Variants in LY96 observed in about 807,000 individuals in gnomAD.
LY96 encodes lymphocyte antigen 96, also known as myeloid differentiation protein-2.
A neutral mutation model predicts 18.9 loss-of-function variants in LY96; 18 were observed. That is an observed-to-expected ratio of 0.95 (90% confidence interval 0.66 to 1.41). The LOEUF is 1.41. Among genes scored for constraint, LY96 ranks in the 40% most tolerant of loss-of-function variants. The probability of loss-of-function intolerance (pLI) is 0.00; values close to 1 mark genes in which losing one functional copy is unlikely to be tolerated. For synonymous variants in LY96, 66 were observed against 62.6 expected, an observed-to-expected ratio of 1.06 and a Z score of -0.26; for missense variants, 175 against 182.4, an observed-to-expected ratio of 0.96 and a Z score of 0.23.
chr8:74,029,158 T>A, downstream of LY96: 1 of 701,038 alleles, frequency 1.4e-6, no homozygotes, highest in East Asian at 2.8e-5. Context: ...GACACAGAAA[T>A]GACTGTCATG....
the LY96 span, among the ~76,000 whole-genome samples, chr8:74,075,878 T>C: frequency 6.6e-6 from 1 of 152,166 alleles, no homozygotes; most frequent in African/African-American, 2.4e-5. Flanking sequence ...TGGAAGCAGA[T>C]GCTGACACAC....
At chr8:74,030,267 A>G (rs547291387), downstream of LY96, among the ~76,000 whole-genome samples, 6 of 152,242 alleles carry the variant, frequency 3.9e-5, no homozygotes, top group Non-Finnish European at 5.9e-5. Context: ...AATCCCATCA[A>G]TTTGGGAGGC....
At chr8:74,065,018 C>T in the LY96 span, among the ~76,000 whole-genome samples, 1 of 152,094 alleles carries the variant, frequency 6.6e-6, no homozygotes, top group Non-Finnish European at 1.5e-5. Flanking sequence ...TGAATGGACC[C>T]CCTGTGGTCC....
At chr8:73,997,414 A>G (rs976708565) in intron 1 of LY96, among the ~76,000 whole-genome samples, 17 of 152,168 alleles carry the variant, frequency 1.1e-4, no homozygotes, top group Admixed American at 5.9e-4. Context: ...AGTTCTTGCC[A>G]CCATACAATC....
At position 74,002,044 on chromosome 8, in the gene LY96, T is replaced by C. The variant is rs1168525577; in HGVS notation, c.113-2752T>C. On this transcript the variant is annotated intron_variant, in intron 1 of 4. Transcript: ENST00000284818. ...CTTCCTTCCTTCCTTCCTTCCTTCCTTCCTTCCTTCCTTCCTTCCTTCCTT... is the reference window on the plus strand; with the variant it reads ...CTTCCTTCCTTCCTTCCTTCCTTCCCTCCTTCCTTCCTTCCTTCCTTCCTT... Among the ~76,000 whole-genome samples the C allele has an allele frequency of 1.1e-3, 41 of 35,782 alleles. 6 individuals carry two copies. Among genetic ancestry groups the C allele is most frequent in the South Asian group, 4.5e-3 (3 of 666 alleles). 23.5% of individuals were successfully genotyped at this position (35,782 alleles called of 152,430 possible).
chr8:74,068,411 T>C, the LY96 span, among the ~76,000 whole-genome samples: 4 of 152,238 alleles, frequency 2.6e-5, no homozygotes, highest in East Asian at 1.9e-4. Context: ...TTAGCTCTTA[T>C]GAATAAAGCT....
the LY96 span, among the ~76,000 whole-genome samples, chr8:74,068,061 C>CAAAA: frequency 1.9e-4 from 7 of 36,202 alleles, no homozygotes; most frequent in Non-Finnish European, 2.8e-4. Context: ...AACTCTGTCT[C>CAAAA]AAAAAAAAAA....
At chr8:74,014,211 T>A (rs947529638) in intron 3 of LY96, among the ~76,000 whole-genome samples, 1 of 151,232 alleles carries the variant, frequency 6.6e-6, no homozygotes, top group Non-Finnish European at 1.5e-5. Flanking sequence ...GGCTAGGAGT[T>A]TGGGGCCAGC....
the LY96 span, among the ~76,000 whole-genome samples, chr8:74,084,125 A>T: frequency 2.0e-5 from 3 of 150,822 alleles, no homozygotes; most frequent in African/African-American, 4.9e-5. Context: ...CTTCCTCGTG[A>T]TGTTTAACCT....
At chr8:74,002,825 C>T (rs181954162) in intron 1 of LY96, among the ~76,000 whole-genome samples, 83 of 152,252 alleles carry the variant, frequency 5.5e-4, no homozygotes, top group African/African-American at 1.6e-3. Flanking sequence ...CTGCCCGCCT[C>T]GGCCTCCCAG....
the LY96 span, among the ~76,000 whole-genome samples, chr8:74,050,251 G>A: frequency 1.3e-5 from 2 of 151,986 alleles, no homozygotes; most frequent in African/African-American, 4.8e-5. Context: ...GCTGAGGCAC[G>A]AGAATTACTT....
the LY96 span, among the ~76,000 whole-genome samples, chr8:74,070,319 C>T: frequency 6.6e-6 from 1 of 152,102 alleles, no homozygotes; most frequent in African/African-American, 2.4e-5. Context: ...TCTCAATCTC[C>T]TGACCTCGTG....
At chr8:74,065,266 A>G in the LY96 span, among the ~76,000 whole-genome samples, 1 of 152,240 alleles carries the variant, frequency 6.6e-6, no homozygotes, top group African/African-American at 2.4e-5. Context: ...TAACCTGATT[A>G]CTGCAGGCAG....
chr8:73,996,373 CT>C (rs1387582380), intron 1 of LY96, among the ~76,000 whole-genome samples: 711 of 17,882 alleles, frequency 0.04, 12 homozygotes, highest in Middle Eastern at 0.16. Context: ...TCCTTCATTC[CT>C]TTCTTTCTTT....
chr8:74,092,299 A>G, the LY96 span, among the ~76,000 whole-genome samples: 1 of 152,216 alleles, frequency 6.6e-6, no homozygotes, highest in South Asian at 2.1e-4. Flanking sequence ...GAGTTCCAGT[A>G]TCCCCACATT....
chr8:74,087,085 C>T, the LY96 span, among the ~76,000 whole-genome samples: 53 of 152,262 alleles, frequency 3.5e-4, no homozygotes, highest in South Asian at 2.5e-3. Flanking sequence ...GAAAGCCTTG[C>T]GGATACTCTT....
chr8:74,025,771 G>A (rs1410327344), intron 3 of LY96, among the ~76,000 whole-genome samples: 1 of 152,144 alleles, frequency 6.6e-6, no homozygotes, highest in Non-Finnish European at 1.5e-5. Flanking sequence ...ACTTTGGAAG[G>A]CCAAGGCGGG....
chr8:74,060,212 G>GA, the LY96 span, among the ~76,000 whole-genome samples: 1 of 151,998 alleles, frequency 6.6e-6, no homozygotes, highest in African/African-American at 2.4e-5. Flanking sequence ...ATTGTCAAAA[G>GA]AAAAAAATAC....
chr8:74,030,438 G>A (rs1314381953), downstream of LY96, among the ~76,000 whole-genome samples: 3 of 152,154 alleles, frequency 2.0e-5, no homozygotes, highest in African/African-American at 4.8e-5. Context: ...GCTTGAACCC[G>A]GGAGGTGAAG....
Sources: allele counts gnomAD v4.1 joint callset (sites outside exome capture counted in the v4.1 genomes callset), GRCh38; gene constraint gnomAD v4.1.1; transcripts MANE v1.5; gene names NCBI Gene and HGNC (gene_info 2026-07-23, HGNC 2026-07-21).